ZNF25: variants seen among roughly 807,000 people sequenced by gnomAD.
ZNF25 encodes zinc finger protein 25.
ZNF25 carries 21 observed loss-of-function variants against 30.9 expected under a neutral mutation model. The ratio of observed to expected loss-of-function variants is 0.68; its 90% CI spans 0.48 to 0.98. The LOEUF (loss-of-function observed/expected upper bound fraction) is 0.98. ZNF25 is among the 50% of genes least tolerant of loss of function. ZNF25 has a pLI of 0.00. For missense variants in ZNF25, 501 were observed against 529.9 expected (o/e 0.95, Z 0.54); for synonymous variants, 169 against 181.3 (o/e 0.93, Z 0.55).
chr10:37,960,634 A>AAC (rs2062816521), intron 2 of ZNF25, among the ~76,000 whole-genome samples: 1 of 148,248 alleles, frequency 6.7e-6, no homozygotes, highest in African/African-American at 2.4e-5. Context: ...AAAAAAAAAA[A>AAC]AAAAAAAAAA....
rs140798637 is a variant in ZNF25 at position 37,954,078 on chromosome 10, G to A, written c.239-320C>T. Among the ~76,000 whole-genome samples the A allele has an allele frequency of 2.4e-4, 36 of 152,308 alleles. No individual in the cohort carries two copies. The East Asian group carries it at 6.6e-3, about 28-fold the overall frequency. On this transcript the variant is annotated intron_variant, in intron 4 of 5. Transcript: ENST00000302609. ...ACATTCGAAGTGTTGCTGAACGGGAGTGTGGGAAGTATAGAGAATACTGTG... is the reference window on the plus strand; with the variant it reads ...ACATTCGAAGTGTTGCTGAACGGGAATGTGGGAAGTATAGAGAATACTGTG...
chr10:37,973,219 T>A (rs1161258744), intron 1 of ZNF25, among the ~76,000 whole-genome samples: 3 of 149,462 alleles, frequency 2.0e-5, no homozygotes. Context: ...GTGAACAATC[T>A]GAAAAACAAA....
chr10:37,963,003 A>T (rs2062972521), intron 2 of ZNF25, among the ~76,000 whole-genome samples: 2 of 152,052 alleles, frequency 1.3e-5, no homozygotes, highest in African/African-American at 4.8e-5. Context: ...CACTGAGGCA[A>T]CCATTAAAGC....
chr10:37,968,774 G>C (rs2063328654), intron 2 of ZNF25, among the ~76,000 whole-genome samples: 1 of 152,172 alleles, frequency 6.6e-6, no homozygotes, highest in African/African-American at 2.4e-5. Context: ...CACAGGCTTG[G>C]ATGCAGATTA....
At chr10:37,964,570 A>C (rs939280279) in intron 2 of ZNF25, among the ~76,000 whole-genome samples, 3 of 152,190 alleles carry the variant, frequency 2.0e-5, no homozygotes, top group Non-Finnish European at 4.4e-5. Flanking sequence ...TGAACTTAAG[A>C]CTGATGACCT....
At position 37,959,207 on chromosome 10, in the gene ZNF25, G is replaced by A. The variant is rs183178415; in HGVS notation, c.16-1661C>T. 2.0e-3 allele frequency among the ~76,000 whole-genome samples: 308 copies of A among 152,292 alleles called. 3 individuals carry two copies. The highest frequency in any genetic ancestry group is 7.3e-3 in the African/African-American group (302 of 41,558). The stretch of plus-strand genomic sequence containing the variant: ...AATATAGAAACCAGGAGCCACTGAA[G>A]AGATGTGTCAAGTAAGCACTGGAGT... On this transcript the variant is annotated intron_variant, in intron 2 of 5. Coordinates refer to ENST00000302609, the MANE Select transcript of ZNF25 (RefSeq NM_145011.4).
rs150582814 is a variant in ZNF25, at chr10:37,952,893, T to C, written c.605A>G (p.Tyr202Cys). The change falls in exon 6 of 6, where the codon TAT becomes TGT. Residue 202 changes from tyrosine (Y) to cysteine (C), a missense_variant. Coordinates refer to ENST00000302609, the MANE Select transcript of ZNF25 (RefSeq NM_145011.4). ...HLRTHAGEKP[Y>C]ECNQCEKSFY... ...GGATTTTTCACACTGATTACATTCA[T>C]AGGGTTTCTCTCCTGCATGGGTTCT... is the stretch of plus-strand genomic sequence containing the variant. 49 of 1,614,184 alleles carry C rather than the reference T, an allele frequency of 3.0e-5. No individual in the cohort carries two copies. In the East Asian group the frequency reaches 8.2e-4, roughly 27 times the overall value.
intron 1 of ZNF25, among the ~76,000 whole-genome samples, chr10:37,975,483 A>G (rs1487818755): frequency 2.0e-5 from 3 of 152,166 alleles, no homozygotes; most frequent in African/African-American, 4.8e-5. Flanking sequence ...GAGAGGCATT[A>G]TAAGATCACC....
intron 5 of ZNF25, 175 bp from the exon 6 acceptor site, chr10:37,953,370 G>GT (rs1297307026): frequency 1.5e-6 from 1 of 649,126 alleles, no homozygotes; most frequent in Non-Finnish European, 2.6e-6. Flanking sequence ...CTGCACTGTA[G>GT]TTTAACATTT....
intron 2 of ZNF25, among the ~76,000 whole-genome samples, chr10:37,967,356 C>A (rs567349393): frequency 2.6e-5 from 4 of 152,180 alleles, no homozygotes; most frequent in Non-Finnish European, 5.9e-5. Context: ...GACAGACATA[C>A]AATCTAATGG....
At chr10:37,965,179 T>C (rs2749593) in intron 2 of ZNF25, among the ~76,000 whole-genome samples, 133,463 of 152,184 alleles carry the variant, frequency 0.88, 58,657 homozygotes, top group South Asian at 0.94. Context: ...TGGAAAGCCT[T>C]GGTGTCCAGG....
chr10:37,962,872 G>A (rs2062965730), intron 2 of ZNF25, among the ~76,000 whole-genome samples: 2 of 151,950 alleles, frequency 1.3e-5, no homozygotes, highest in African/African-American at 4.8e-5. Flanking sequence ...AAATATCTAA[G>A]ATAAATAATA....
rs2063062579 is a variant in ZNF25 at position 37,964,331 on chromosome 10, AG to A, written c.16-6786del. On this transcript the variant is annotated intron_variant, in intron 2 of 5. Coordinates refer to ENST00000302609, the MANE Select transcript of ZNF25 (RefSeq NM_145011.4). ...AACTGAGTAACAAGCAGAGGTTGGA[AG>A]AATTTGGAGGGCTCAGAAGAAGACA... is the stretch of plus-strand genomic sequence containing the variant. 2.6e-5 allele frequency among the ~76,000 whole-genome samples: 4 copies of A among 152,326 alleles called. No individual in the cohort carries two copies. In the South Asian group the frequency reaches 8.3e-4, roughly 32 times the overall value.
At chr10:37,955,003 A>T (rs1389004846) in intron 4 of ZNF25, among the ~76,000 whole-genome samples, 1 of 151,984 alleles carries the variant, frequency 6.6e-6, no homozygotes, top group Non-Finnish European at 1.5e-5. Context: ...AAAATACAAA[A>T]ATTAGCTGGA....
At chr10:37,970,375 C>T (rs1208298553) in intron 2 of ZNF25, among the ~76,000 whole-genome samples, 1 of 152,094 alleles carries the variant, frequency 6.6e-6, no homozygotes, top group East Asian at 1.9e-4. Context: ...AGAAAAACAA[C>T]ATGATTATCC....
At position 37,950,049 on chromosome 10, in the gene ZNF25, T is replaced by G. The variant is rs188539712; in HGVS notation, c.*2078A>C. On this transcript the variant is annotated 3_prime_UTR_variant, in exon 6 of 6. Coordinates refer to ENST00000302609, the MANE Select transcript of ZNF25 (RefSeq NM_145011.4). ...AATATACTGCAAAAAACCACCCACC[T>G]ACAAATTGCTGTATGCATCATTTCT... The G allele has an allele frequency of 1.1e-4, 17 of 152,758 alleles. No homozygotes were observed. Among genetic ancestry groups the G allele is most frequent in the Non-Finnish European group, 1.5e-4 (10 of 68,016 alleles). 9.5% of individuals were successfully genotyped at this position (152,758 alleles called of 1,614,324 possible). A position where few individuals can be genotyped will look rare whatever the true frequency, so the allele number is the denominator to read the frequency against.
chr10:37,957,681 C>T (rs1440820330), intron 2 of ZNF25, 135 bp from the exon 3 acceptor site: 1 of 933,502 alleles, frequency 1.1e-6, no homozygotes, highest in Non-Finnish European at 1.5e-6. Flanking sequence ...CCATGCTGTA[C>T]CCTGCTTTAT....
intron 5 of ZNF25, 30 bp from the exon 6 acceptor site, chr10:37,953,225 T>G: frequency 1.3e-6 from 2 of 1,540,024 alleles, no homozygotes; most frequent in Non-Finnish European, 1.7e-6. Context: ...TTCATTAATG[T>G]GTAAGACTTT....
At chr10:37,973,748 A>G (rs1004939659) in intron 1 of ZNF25, among the ~76,000 whole-genome samples, 2 of 152,188 alleles carry the variant, frequency 1.3e-5, no homozygotes, top group African/African-American at 4.8e-5. Context: ...TCCAAATACC[A>G]ATGACATTCT....
Sources: gnomAD v4.1 joint callset for allele counts (sites outside exome capture counted in the v4.1 genomes callset) on GRCh38, gnomAD v4.1.1 for gene constraint, MANE v1.5 for transcripts, NCBI Gene and HGNC (gene_info 2026-07-23, HGNC 2026-07-21) for gene names.